Variants in TPH2 observed in about 807,000 individuals in gnomAD.
TPH2 encodes tryptophan hydroxylase 2, also known as tryptophan 5-hydroxylase 2.
TPH2 carries 27 observed loss-of-function variants against 59.1 expected under a neutral mutation model. The observed-to-expected ratio is 0.46, with a 90% CI of 0.34 to 0.63. The LOEUF is 0.63. Among genes scored for constraint, TPH2 ranks in the 30% least tolerant of loss-of-function variants. The pLI, the probability that TPH2 is intolerant of heterozygous loss-of-function variation, is 0.01. For synonymous variants in TPH2, 220 were observed against 210.5 expected, an observed-to-expected ratio of 1.05 and a Z score of -0.39; for missense variants, 523 against 588.3, an observed-to-expected ratio of 0.89 and a Z score of 1.15.
intron 7 of TPH2, among the ~76,000 whole-genome samples, chr12:71,979,396 A>T (rs143647275): frequency 6.6e-6 from 1 of 152,308 alleles, no homozygotes; most frequent in Non-Finnish European, 1.5e-5. Context: ...AGACACTGAC[A>T]CATGGTCAGA....
At chr12:72,020,089 C>T (rs1873369480) in intron 8 of TPH2, among the ~76,000 whole-genome samples, 1 of 152,168 alleles carries the variant, frequency 6.6e-6, no homozygotes, top group East Asian at 1.9e-4. Context: ...TTGTTCTCAA[C>T]CAAGGATGAT....
rs1015980284 is a variant in TPH2, at chr12:71,938,955, T to C, written c.-32T>C. 10 of 1,576,350 alleles carry C rather than the reference T, an allele frequency of 6.3e-6. No individual in the cohort carries two copies. The highest frequency in any genetic ancestry group is 1.1e-5 in the South Asian group (1 of 90,322). On this transcript the variant is annotated 5_prime_UTR_variant, in exon 1 of 11. Coordinates refer to ENST00000333850, the MANE Select transcript of TPH2 (RefSeq NM_173353.4). The stretch of plus-strand genomic sequence containing the variant: ...CTGCTACTGCCCCTCTAGTACCCCC[T>C]GCTGCAGAGAAAGAATATTACACCG...
intron 8 of TPH2, among the ~76,000 whole-genome samples, chr12:71,999,665 T>C (rs1230800095): frequency 6.6e-6 from 1 of 152,162 alleles, no homozygotes. Flanking sequence ...TATAAGATAA[T>C]AAGGAGTATC....
intron 8 of TPH2, among the ~76,000 whole-genome samples, chr12:72,006,459 G>C (rs1872955778): frequency 6.6e-6 from 1 of 152,020 alleles, no homozygotes; most frequent in South Asian, 2.1e-4. Context: ...GATTCTGGCT[G>C]AACTGTCCTA....
intron 9 of TPH2, among the ~76,000 whole-genome samples, chr12:72,026,001 T>A (rs954729400): frequency 6.6e-6 from 1 of 152,208 alleles, no homozygotes; most frequent in African/African-American, 2.4e-5. Context: ...ATGATACAGA[T>A]CTTTGTTGAG....
intron 8 of TPH2, among the ~76,000 whole-genome samples, chr12:72,002,403 A>C (rs982310179): frequency 6.6e-6 from 1 of 152,108 alleles, no homozygotes; most frequent in Admixed American, 6.6e-5. Flanking sequence ...AAATGAGAAT[A>C]CACTGTAGTA....
intron 8 of TPH2, among the ~76,000 whole-genome samples, chr12:72,001,416 C>G (rs1872817505): frequency 6.6e-6 from 1 of 151,668 alleles, no homozygotes; most frequent in Non-Finnish European, 1.5e-5. Context: ...CTTAAATAAA[C>G]AGCTTTGTGT....
At position 71,944,281 on chromosome 12, in the gene TPH2, C is replaced by T. The variant is rs778548989; in HGVS notation, c.256-13C>T. The T allele has an allele frequency of 6.8e-6, 11 of 1,613,532 alleles. No homozygotes were observed. The highest frequency in any genetic ancestry group is 5.0e-5 in the Admixed American group (3 of 59,964). Reference sequence around the variant, plus strand: ...TCCCTGAAGGTGATTTTCAGATGCTCGTGTTTCCACAGGAAAAACGTGTCA... The same window carrying T: ...TCCCTGAAGGTGATTTTCAGATGCTTGTGTTTCCACAGGAAAAACGTGTCA... On this transcript the variant is annotated splice_polypyrimidine_tract_variant and intron_variant, in intron 2 of 10. Coordinates refer to ENST00000333850, the MANE Select transcript of TPH2 (RefSeq NM_173353.4).
intron 8 of TPH2, among the ~76,000 whole-genome samples, chr12:72,019,376 C>A (rs1266458070): frequency 6.6e-6 from 1 of 152,168 alleles, no homozygotes; most frequent in African/African-American, 2.4e-5. Flanking sequence ...CAGCAACTTC[C>A]CATTGCTCTT....
intron 8 of TPH2, among the ~76,000 whole-genome samples, chr12:72,014,709 A>G (rs1873194144): frequency 6.6e-6 from 1 of 152,156 alleles, no homozygotes; most frequent in African/African-American, 2.4e-5. Context: ...TTTTTAACTC[A>G]AGAATGCTTG....
At chr12:71,948,393 C>A (rs923935877) in intron 4 of TPH2, among the ~76,000 whole-genome samples, 1 of 152,060 alleles carries the variant, frequency 6.6e-6, no homozygotes, top group Admixed American at 6.5e-5. Context: ...CTCTCCTCCC[C>A]TTAGTAACTC....
intron 8 of TPH2, among the ~76,000 whole-genome samples, chr12:72,002,901 G>A (rs1487284): frequency 0.26 from 40,051 of 151,896 alleles, 5,315 homozygotes; most frequent in African/African-American, 0.31. Flanking sequence ...CATGAATCAC[G>A]TGTATTTGAA....
chr12:72,009,166 T>C (rs1873033554), intron 8 of TPH2, among the ~76,000 whole-genome samples: 1 of 152,134 alleles, frequency 6.6e-6, no homozygotes, highest in Admixed American at 6.5e-5. Flanking sequence ...ATGGGGTTCA[T>C]GATCCTCCCC....
intron 7 of TPH2, among the ~76,000 whole-genome samples, chr12:71,981,276 T>A (rs1171479101): frequency 6.6e-6 from 1 of 152,198 alleles, no homozygotes. Flanking sequence ...GTATTAGGGG[T>A]GAAATGTATC....
At chr12:71,948,531 C>T (rs1376686658) in intron 4 of TPH2, among the ~76,000 whole-genome samples, 1 of 152,202 alleles carries the variant, frequency 6.6e-6, no homozygotes, top group African/African-American at 2.4e-5. Flanking sequence ...GGGCGATTTG[C>T]TAATGAGTTT....
At chr12:71,994,053 A>G (rs573374212) in intron 7 of TPH2, among the ~76,000 whole-genome samples, 3 of 152,362 alleles carry the variant, frequency 2.0e-5, no homozygotes, top group Non-Finnish European at 2.9e-5. Context: ...CCAGATTTGG[A>G]CCATGGCTGT....
intron 7 of TPH2, among the ~76,000 whole-genome samples, chr12:71,985,378 GA>G (rs1340973205): frequency 6.6e-6 from 1 of 152,084 alleles, no homozygotes; most frequent in Non-Finnish European, 1.5e-5. Flanking sequence ...ATATTTTGTA[GA>G]AGGGATTTGA....
chr12:71,973,510 A>C (rs1872032144), intron 6 of TPH2, among the ~76,000 whole-genome samples: 2 of 152,136 alleles, frequency 1.3e-5, no homozygotes, highest in Non-Finnish European at 1.5e-5. Flanking sequence ...AAGGGGAGGA[A>C]CCCTCAGTTC....
chr12:71,946,879 T>C (rs929800197), intron 4 of TPH2, among the ~76,000 whole-genome samples: 1 of 152,170 alleles, frequency 6.6e-6, no homozygotes, highest in African/African-American at 2.4e-5. Context: ...TAAATGCAGA[T>C]AATGAGTCTG....
Sources: gnomAD v4.1 joint callset for allele counts (sites outside exome capture counted in the v4.1 genomes callset) on GRCh38, gnomAD v4.1.1 for gene constraint, MANE v1.5 for transcripts, NCBI Gene and HGNC (gene_info 2026-07-23, HGNC 2026-07-21) for gene names.